The following ZRANB3 variants were observed in gnomAD, a reference collection of about 807,000 sequenced individuals.
The protein encoded by ZRANB3 is zinc finger RANBP2-type containing 3.
Under a neutral mutation model 133.8 loss-of-function variants are expected in ZRANB3, and 125 were observed. The ratio of observed to expected loss-of-function variants is 0.93; its 90% CI spans 0.81 to 1.08. ZRANB3 has a LOEUF of 1.08. Ranked by LOEUF, ZRANB3 falls within the 50% of genes least tolerant of loss-of-function variation. The pLI is 0.00. For missense variants in ZRANB3, 1,229 were observed against 1,275.5 expected (o/e 0.96, Z 0.56); for synonymous variants, 387 against 432.7 (o/e 0.89, Z 1.31).
At chr2:135,417,598 A>G (rs1043972960) in intron 2 of ZRANB3, among the ~76,000 whole-genome samples, 9 of 152,236 alleles carry the variant, frequency 5.9e-5, no homozygotes, top group Non-Finnish European at 1.2e-4. Flanking sequence ...TGACCCAGCC[A>G]TCCCATTACT....
intron 6 of ZRANB3, among the ~76,000 whole-genome samples, chr2:135,341,086 G>C (rs541980157): frequency 6.7e-6 from 1 of 149,760 alleles, no homozygotes; most frequent in African/African-American, 2.6e-5. Context: ...GAGTGCAGTG[G>C]CGCTATCTCG....
chr2:135,449,832 A>G (rs1342582667), intron 2 of ZRANB3, among the ~76,000 whole-genome samples: 3 of 152,184 alleles, frequency 2.0e-5, no homozygotes, highest in East Asian at 3.9e-4. Flanking sequence ...ACCTTGGGTC[A>G]TCACAGCCTC....
At chr2:135,359,563 A>G (rs1685579856) in intron 3 of ZRANB3, among the ~76,000 whole-genome samples, 1 of 150,914 alleles carries the variant, frequency 6.6e-6, no homozygotes, top group Non-Finnish European at 1.5e-5. Flanking sequence ...AGCCTGGGTG[A>G]CAGAATGAGA....
At chr2:135,261,370 G>A (rs1468402599) in intron 12 of ZRANB3, among the ~76,000 whole-genome samples, 2 of 152,154 alleles carry the variant, frequency 1.3e-5, no homozygotes, top group Admixed American at 1.3e-4. Context: ...TAGACAGAGT[G>A]GTGAGAGGGC....
At chr2:135,518,802 C>T (rs144874320) in intron 1 of ZRANB3, among the ~76,000 whole-genome samples, 2 of 152,246 alleles carry the variant, frequency 1.3e-5, no homozygotes, top group African/African-American at 4.8e-5. Context: ...ACATTTTCAG[C>T]TGCTATTCTA....
chr2:135,408,831 C>T lies in ZRANB3; in HGVS notation c.162-18011G>A, dbSNP rs552076810. 1.0e-4 allele frequency among the ~76,000 whole-genome samples: 13 copies of T among 127,566 alleles called. No homozygotes were observed. The East Asian group carries it at 2.0e-3, about 20-fold the overall frequency. The allele number at this position is 127,566 out of a possible 152,430, so 83.7% of individuals were successfully genotyped here. On this transcript the variant is annotated intron_variant, in intron 2 of 20. Coordinates refer to ENST00000264159, the MANE Select transcript of ZRANB3 (RefSeq NM_032143.4). The stretch of plus-strand genomic sequence containing the variant: ...CACACACTGGGGCCTGTTGTGGGGT[C>T]GGGGGATGGGGGAGGGATAGCATTT...
chr2:135,370,191 T>A (rs901552550), intron 3 of ZRANB3, among the ~76,000 whole-genome samples: 3 of 151,988 alleles, frequency 2.0e-5, no homozygotes, highest in Non-Finnish European at 2.9e-5. Context: ...AACTTTTTTA[T>A]TTCCATAGGT....
At chr2:135,445,813 T>A (rs543666299) in intron 2 of ZRANB3, among the ~76,000 whole-genome samples, 3 of 143,264 alleles carry the variant, frequency 2.1e-5, no homozygotes, top group Admixed American at 1.4e-4. Context: ...GAGGCAGAGG[T>A]TGCAGTAAGT....
rs568551936 is a variant in ZRANB3, at chr2:135,292,020, A to G, written c.967-16265T>C. Among the ~76,000 whole-genome samples the G allele has an allele frequency of 2.0e-4, 31 of 152,326 alleles. No individual in the cohort carries two copies. The East Asian group carries it at 6.0e-3, about 29-fold the overall frequency. The stretch of plus-strand genomic sequence containing the variant: ...TTGTTGGACATTTGGGTTGGTTCCA[A>G]GTCTTTGCTATTGTGAATAGTGCCG... On this transcript the variant is annotated intron_variant, in intron 8 of 20. Transcript: ENST00000264159.
rs528428052 is a variant in ZRANB3 at position 135,406,559 on chromosome 2, G to A, written c.162-15739C>T. ...ACCAATATCCCTGATGAACATCGATGCAAAAATCCTCAATAAAATACTGGC... is the reference window on the plus strand; with the variant it reads ...ACCAATATCCCTGATGAACATCGATACAAAAATCCTCAATAAAATACTGGC... On this transcript the variant is annotated intron_variant, in intron 2 of 20. Coordinates refer to ENST00000264159, the MANE Select transcript of ZRANB3 (RefSeq NM_032143.4). Among the ~76,000 whole-genome samples, 36 of 152,282 alleles carry A rather than the reference G, an allele frequency of 2.4e-4. 1 individual carries two copies. The highest frequency in any genetic ancestry group is 1.8e-3 in the Admixed American group (28 of 15,290).
chr2:135,464,154 G>C (rs979160737), intron 2 of ZRANB3, among the ~76,000 whole-genome samples: 1 of 152,166 alleles, frequency 6.6e-6, no homozygotes, highest in African/African-American at 2.4e-5. Context: ...TCCATGAAAA[G>C]AAAGTGTTTC....
intron 2 of ZRANB3, among the ~76,000 whole-genome samples, chr2:135,402,678 C>T (rs1687793615): frequency 6.6e-6 from 1 of 151,960 alleles, no homozygotes; most frequent in Non-Finnish European, 1.5e-5. Flanking sequence ...CCTCCACCTC[C>T]TGGGTTCAAG....
chr2:135,402,617 G>A (rs931231157), intron 2 of ZRANB3, among the ~76,000 whole-genome samples: 12 of 149,272 alleles, frequency 8.0e-5, no homozygotes, highest in Non-Finnish European at 1.5e-4. Context: ...AGACAGTTTC[G>A]CTCTTGTCAC....
At chr2:135,498,943 A>G (rs1692811911) in intron 2 of ZRANB3, among the ~76,000 whole-genome samples, 1 of 152,134 alleles carries the variant, frequency 6.6e-6, no homozygotes. Context: ...CTGAAACTTC[A>G]TTAGCAATTT....
intron 1 of ZRANB3, among the ~76,000 whole-genome samples, chr2:135,508,327 C>T (rs796444371): frequency 2.6e-5 from 4 of 152,106 alleles, no homozygotes; most frequent in South Asian, 2.1e-4. Context: ...TTAGTAGAGA[C>T]GGGGTTTCAC....
intron 3 of ZRANB3, among the ~76,000 whole-genome samples, chr2:135,369,115 T>A (rs1014681833): frequency 6.6e-6 from 1 of 152,096 alleles, no homozygotes. Context: ...GTCTCAGTAG[T>A]TGATAACTTT....
intron 12 of ZRANB3, among the ~76,000 whole-genome samples, chr2:135,264,470 CAAA>C (rs201380002): frequency 7.7e-5 from 5 of 64,932 alleles, no homozygotes; most frequent in Admixed American, 2.9e-4. Context: ...GACTCTGTCT[CAAA>C]AAAAAAAAAA....
At chr2:135,258,752 A>G (rs1352442839) in intron 12 of ZRANB3, among the ~76,000 whole-genome samples, 3 of 152,148 alleles carry the variant, frequency 2.0e-5, no homozygotes, top group Non-Finnish European at 1.5e-5. Flanking sequence ...AAATATTCTC[A>G]TTTAAGATGT....
intron 8 of ZRANB3, among the ~76,000 whole-genome samples, chr2:135,307,180 C>A (rs1363764885): frequency 1.3e-5 from 2 of 152,172 alleles, no homozygotes; most frequent in African/African-American, 2.4e-5. Context: ...GATTATCCCA[C>A]CTCAACCTCC....
Sources: gnomAD v4.1 joint callset for allele counts (sites outside exome capture counted in the v4.1 genomes callset) on GRCh38, gnomAD v4.1.1 for gene constraint, MANE v1.5 for transcripts, NCBI Gene and HGNC (gene_info 2026-07-23, HGNC 2026-07-21) for gene names.